The following FBXO46 variants were observed in gnomAD, a reference collection of about 807,000 sequenced individuals.
FBXO46 encodes F-box only protein 46.
A neutral mutation model predicts 30.7 loss-of-function variants in FBXO46; 13 were observed. The ratio of observed to expected loss-of-function variants is 0.42; its 90% confidence interval spans 0.28 to 0.67. The LOEUF (loss-of-function observed/expected upper bound fraction) is 0.67, where lower values mean the gene tolerates loss of function less well. Among genes scored for constraint, FBXO46 ranks in the 30% least tolerant of loss-of-function variants. The probability of loss-of-function intolerance (pLI) is 0.21; values close to 1 mark genes in which losing one functional copy is unlikely to be tolerated. For missense variants in FBXO46, 754 were observed against 871.5 expected (o/e 0.87, Z 1.70); for synonymous variants, 467 against 385.8 (o/e 1.21, Z -2.47).
intron 1 of FBXO46, among the ~76,000 whole-genome samples, chr19:45,722,927 G>A (rs1187246676): frequency 1.3e-5 from 2 of 152,042 alleles, no homozygotes; most frequent in African/African-American, 4.8e-5. Flanking sequence ...AGTGACAGGC[G>A]CCTATAATCC....
In FBXO46 at chr19:45,711,326, G is replaced by T. The variant is rs1169972835; in HGVS notation, c.*358C>A. 1 of 471,812 alleles carries T rather than the reference G, an allele frequency of 2.1e-6. No homozygotes were observed. The highest frequency in any genetic ancestry group is 4.1e-6 in the Non-Finnish European group (1 of 246,870). 29.2% of individuals were successfully genotyped at this position (471,812 alleles called of 1,614,324 possible). A position where few individuals can be genotyped will look rare whatever the true frequency, so the allele number is the denominator to read the frequency against. On this transcript the variant is annotated 3_prime_UTR_variant, in exon 2 of 2. Coordinates refer to ENST00000317683, the MANE Select transcript of FBXO46 (RefSeq NM_001080469.2). The stretch of plus-strand genomic sequence containing the variant: ...GAGAGGATGGGGGCCAGAATGGGGG[G>T]ACCCTTAAGTGGTACCAAAATTAGC...
chr19:45,717,304 C>G (rs1189999299), intron 1 of FBXO46: 1 of 152,228 alleles, frequency 6.6e-6, no homozygotes, highest in Non-Finnish European at 1.5e-5. Context: ...CTGCAGCCCA[C>G]ACGCATGCGC....
chr19:45,713,284 G>A lies in FBXO46; in HGVS notation c.212C>T (p.Pro71Leu), dbSNP rs1160612459. ...ACCAGCAGCTGCTGCTGAGAGGAGCGGAGCCGGCTGGGAGGCAGGGACCTC... is the reference window on the plus strand; with the variant it reads ...ACCAGCAGCTGCTGCTGAGAGGAGCAGAGCCGGCTGGGAGGCAGGGACCTC... Reference protein sequence around the residue: ...ATEVPASQPAPLLSAAAAGDE... With the variant: ...ATEVPASQPALLLSAAAAGDE... Residue 71 changes from proline (P) to leucine (L), a missense_variant, in exon 2 of 2, where the codon CCG becomes CTG. By Grantham distance (98) the Pro-to-Leu change is moderately conservative (BLOSUM62 -3). Transcript: ENST00000317683. This position sits in a 1 kb window ranked among gnomAD's most constrained non-coding sequence, Gnocchi z 4.7. The A allele has an allele frequency of 6.2e-7, 1 of 1,608,004 alleles. No individual in the cohort carries two copies. The highest frequency in any genetic ancestry group is 8.5e-7 in the Non-Finnish European group (1 of 1,175,730).
At chr19:45,715,623 A>T (rs1359742883) in intron 1 of FBXO46, 3 of 152,168 alleles carry the variant, frequency 2.0e-5, no homozygotes, top group African/African-American at 7.2e-5. Context: ...CCTGGCTAAC[A>T]TGGCAAAACC....
chr19:45,713,576 G>A lies in FBXO46; in HGVS notation c.-78-3C>T, dbSNP rs1446423502. The A allele has an allele frequency of 1.7e-6, 2 of 1,194,158 alleles. No individual in the cohort carries two copies. The highest frequency in any genetic ancestry group is 2.3e-6 in the Non-Finnish European group (2 of 859,796). 74.0% of individuals were successfully genotyped at this position (1,194,158 alleles called of 1,614,324 possible). A position where few individuals can be genotyped will look rare whatever the true frequency, so the allele number is the denominator to read the frequency against. On this transcript the variant is annotated splice_region_variant and splice_polypyrimidine_tract_variant and intron_variant, in intron 1 of 1. Coordinates refer to ENST00000317683, the MANE Select transcript of FBXO46 (RefSeq NM_001080469.2). The surrounding 1 kb of genome is among the most constrained non-coding windows in gnomAD (Gnocchi z 4.7). ...TGGTGGGAGGCTCCACATGCCACCT[G>A]GAGACACGAAGAGGAGGTTGGGGAG...
rs1376709369 is a variant in FBXO46, at chr19:45,713,466, C to A, written c.30G>T (p.Gln10His). 1.3e-6 allele frequency: 2 copies of A among 1,584,010 alleles called. No homozygotes were observed. Among genetic ancestry groups the A allele is most frequent in the African/African-American group, 2.7e-5 (2 of 74,466 alleles). ...TGCCAAAGGGCCGGGGGCACCATAG[C>A]TGGAAGGGCAGGAGGCTCCCACGGT... MDRGSLLPF[Q>H]LWCPRPFGTY... The change falls in exon 2 of 2, where the codon CAG becomes CAT. Residue 10 changes from glutamine (Q) to histidine (H), a missense_variant. By Grantham distance (24) the Gln-to-His change is conservative. Coordinates refer to ENST00000317683, the MANE Select transcript of FBXO46 (RefSeq NM_001080469.2). This position sits in a 1 kb window ranked among gnomAD's most constrained non-coding sequence, Gnocchi z 4.7.
chr19:45,732,691 A>G (rs543732847), upstream of FBXO46, among the ~76,000 whole-genome samples: 1 of 144,842 alleles, frequency 6.9e-6, no homozygotes, highest in East Asian at 2.0e-4. Flanking sequence ...CCCAGGTTCA[A>G]ATGATTCTCC....
chr19:45,713,274 T>C lies in FBXO46; in HGVS notation c.222A>G (p.Ser74=), dbSNP rs1290991220. The stretch of plus-strand genomic sequence containing the variant: ...GACCCTCATCACCAGCAGCTGCTGC[T>C]GAGAGGAGCGGAGCCGGCTGGGAGG... The part of the protein sequence containing the change: ...VPASQPAPLL[S]AAAAGDEGRV... Residue 74 remains serine (S), a synonymous_variant, in exon 2 of 2, where the codon TCA becomes TCG. Coordinates refer to ENST00000317683, the MANE Select transcript of FBXO46 (RefSeq NM_001080469.2). This position sits in a 1 kb window ranked among gnomAD's most constrained non-coding sequence, Gnocchi z 4.7. 1.2e-6 allele frequency: 2 copies of C among 1,613,856 alleles called. No individual in the cohort carries two copies. The highest frequency in any genetic ancestry group is 8.5e-7 in the Non-Finnish European group (1 of 1,179,830).
At position 45,713,132 on chromosome 19, in the gene FBXO46, C is replaced by A; in HGVS notation, c.364G>T (p.Gly122Trp). The A allele has an allele frequency of 6.2e-7, 1 of 1,613,232 alleles. No homozygotes were observed. Among genetic ancestry groups the A allele is most frequent in the Non-Finnish European group, 8.5e-7 (1 of 1,179,654 alleles). ...GSRASSMKVK[G>W]HWGSDSSKAK... ...TTGGAGCTATCGCTGCCCCAGTGCC[C>A]CTTGACCTTCATGGAGCTGGCCCGG... Residue 122 changes from glycine to tryptophan, a missense_variant, in exon 2 of 2, where the codon GGG (glycine) becomes TGG (tryptophan). Coordinates refer to ENST00000317683, the MANE Select transcript of FBXO46 (RefSeq NM_001080469.2). This position sits in a 1 kb window ranked among gnomAD's most constrained non-coding sequence, Gnocchi z 4.7.
Position 45,711,228 on chromosome 19 carries a change from G to T in FBXO46, c.*456C>A. The T allele has an allele frequency of 2.3e-6, 1 of 428,492 alleles. No homozygotes were observed. Among genetic ancestry groups the T allele is most frequent in the Admixed American group, 3.2e-5 (1 of 31,634 alleles). The allele number at this position is 428,492 out of a possible 1,614,324, so 26.5% of individuals were successfully genotyped here. A position where few individuals can be genotyped will look rare whatever the true frequency, so the allele number is the denominator to read the frequency against. On this transcript the variant is annotated 3_prime_UTR_variant, in exon 2 of 2. Coordinates refer to ENST00000317683, the MANE Select transcript of FBXO46 (RefSeq NM_001080469.2). ...GTGAGAGCTGTCGTGTGGCAGGTTA[G>T]GAGAGGTGCCAACCTTGGGCGATGC...
intron 1 of FBXO46, among the ~76,000 whole-genome samples, chr19:45,722,545 A>T (rs1968186854): frequency 6.6e-6 from 1 of 151,866 alleles, no homozygotes; most frequent in African/African-American, 2.4e-5. Context: ...GGCGGATCAC[A>T]AGGTCAGGAG....
chr19:45,717,953 C>G (rs903916339), intron 1 of FBXO46, among the ~76,000 whole-genome samples: 40 of 152,118 alleles, frequency 2.6e-4, no homozygotes, highest in African/African-American at 8.9e-4. Flanking sequence ...GCCAGTTCAG[C>G]CTTTCCAAAC....
At position 45,711,996 on chromosome 19, in the gene FBXO46, G is replaced by A; in HGVS notation, c.1500C>T (p.Cys500=). The A allele has an allele frequency of 1.2e-6, 2 of 1,612,772 alleles. No individual in the cohort carries two copies. Among genetic ancestry groups the A allele is most frequent in the Middle Eastern group, 1.6e-4 (1 of 6,062 alleles). Reference sequence around the variant, plus strand: ...CCTCGATGATGCCCTTGAAGTGGTGGCAGGTGCACTTGAGGGCGGCCAGCG... The same window carrying A: ...CCTCGATGATGCCCTTGAAGTGGTGACAGGTGCACTTGAGGGCGGCCAGCG... The part of the protein sequence containing the change: ...TRALAALKCT[C]HHFKGIIEAF... The change falls in exon 2 of 2, where the codon TGC becomes TGT. Residue 500 remains cysteine (C), a synonymous_variant. Coordinates refer to ENST00000317683, the MANE Select transcript of FBXO46 (RefSeq NM_001080469.2).
At chr19:45,716,293 G>C (rs1269463407) in intron 1 of FBXO46, 1 of 152,132 alleles carries the variant, frequency 6.6e-6, no homozygotes, top group East Asian at 1.9e-4. Flanking sequence ...ACTGCCCAGG[G>C]AGGCAGGCTA....
In FBXO46 at chr19:45,712,119, G is replaced by T; in HGVS notation, c.1377C>A (p.Ile459=). ...CCAGCAGCCGCTGAATCTTGAAGCG[G>T]ATCTCTAGGAAGTCGTGCGACACGT... ...YRHVSHDFLE[I]RFKIQRLLEP... Residue 459 remains isoleucine, a synonymous_variant, in exon 2 of 2, where the codon ATC becomes ATA. Transcript: ENST00000317683. The surrounding 1 kb of genome is among the most constrained non-coding windows in gnomAD (Gnocchi z 8.8). 2.5e-6 allele frequency: 4 copies of T among 1,599,732 alleles called. No individual in the cohort carries two copies. Among genetic ancestry groups the T allele is most frequent in the Non-Finnish European group, 3.4e-6 (4 of 1,173,820 alleles).
chr19:45,727,007 C>T (rs747453951), intron 1 of FBXO46, among the ~76,000 whole-genome samples: 19 of 151,924 alleles, frequency 1.3e-4, no homozygotes, highest in Non-Finnish European at 2.4e-4. Context: ...CCTGTAACCC[C>T]AGCACTTTGG....
At chr19:45,717,219 C>T (rs1968105120) in intron 1 of FBXO46, 1 of 151,368 alleles carries the variant, frequency 6.6e-6, no homozygotes, top group African/African-American at 2.4e-5. Context: ...TTCCAAACCC[C>T]TCAGGTGACC....
upstream of FBXO46, among the ~76,000 whole-genome samples, chr19:45,732,392 G>A (rs554707200): frequency 3.3e-5 from 5 of 151,778 alleles, no homozygotes; most frequent in South Asian, 1.0e-3. Flanking sequence ...CTCTTGACTA[G>A]GTCGTTAGAT....
chr19:45,727,124 T>A (rs771441147), intron 1 of FBXO46, among the ~76,000 whole-genome samples: 32 of 151,236 alleles, frequency 2.1e-4, no homozygotes, highest in Non-Finnish European at 3.2e-4. Flanking sequence ...TGACACACGC[T>A]TGTAGTCCCA....
Sources: gnomAD v4.1 joint callset for allele counts (sites outside exome capture counted in the v4.1 genomes callset) on GRCh38, gnomAD v4.1.1 for gene constraint, Gnocchi (gnomAD v3.1) non-coding constraint, MANE v1.5 for transcripts, NCBI Gene and HGNC (gene_info 2026-07-23, HGNC 2026-07-21) for gene names.